GRK6: variants seen among roughly 807,000 people sequenced by gnomAD.
GRK6 encodes G protein-coupled receptor kinase 6.
GRK6 carries 37 observed loss-of-function variants against 80.8 expected under a neutral mutation model. The ratio of observed to expected loss-of-function variants is 0.46; its 90% CI spans 0.35 to 0.60. The LOEUF is 0.60. GRK6 is among the 20% of genes least tolerant of loss of function. The probability of loss-of-function intolerance (pLI) is 0.00; values close to 1 mark genes in which losing one functional copy is unlikely to be tolerated. For missense variants in GRK6, 560 were observed against 784.6 expected, an observed-to-expected ratio of 0.71 and a Z score of 3.42; for synonymous variants, 295 against 320.9, an observed-to-expected ratio of 0.92 and a Z score of 0.86.
chr5:177,442,125 G>GAC lies in GRK6; in HGVS notation c.*335_*336insAC. 2.9e-6 allele frequency: 1 copy of GAC among 342,362 alleles called. No individual in the cohort carries two copies. Among genetic ancestry groups the GAC allele is most frequent in the Non-Finnish European group, 5.4e-6 (1 of 186,778 alleles). The allele number at this position is 342,362 out of a possible 1,614,324, so 21.2% of individuals were successfully genotyped here. ...GCCCCCGCCTTGGCTCCTGGGGGCA[G>GAC]CCAGCCCTGGCTGGGAGAGCGGGAG... On this transcript the variant is annotated 3_prime_UTR_variant, in exon 16 of 16. Coordinates refer to ENST00000355472, the MANE Select transcript of GRK6 (RefSeq NM_001004106.3).
Position 177,432,222 on chromosome 5 carries a change from C to T in GRK6, c.262-11C>T. ...CCCAGACCTCCAGCTTCTTTGCTTT[C>T]CACCCTGCAGGCCGAGTATGAAGTG... On this transcript the variant is annotated splice_polypyrimidine_tract_variant and intron_variant, in intron 3 of 15. Transcript: ENST00000355472. 6.2e-7 allele frequency: 1 copy of T among 1,613,840 alleles called. No individual in the cohort carries two copies. The highest frequency in any genetic ancestry group is 1.1e-5 in the South Asian group (1 of 91,072).
At chr5:177,431,941 C>T in intron 2 of GRK6, 54 bp from the exon 3 acceptor site, 1 of 1,491,310 alleles carries the variant, frequency 6.7e-7, no homozygotes, top group Non-Finnish European at 9.3e-7. Flanking sequence ...GGGCACATGC[C>T]CCACCCATGT....
chr5:177,431,706 A>G (rs2127372029), intron 2 of GRK6: 1 of 463,888 alleles, frequency 2.2e-6, no homozygotes, highest in Non-Finnish European at 3.9e-6. Context: ...TGACATACGC[A>G]AGTCGTGTAA....
chr5:177,426,226 C>G (rs748145033), upstream of GRK6, among the ~76,000 whole-genome samples: 1 of 152,182 alleles, frequency 6.6e-6, no homozygotes, highest in Non-Finnish European at 1.5e-5. Context: ...AGCGCGTCCC[C>G]GACAAAACCC....
chr5:177,431,095 G>C, intron 2 of GRK6, 128 bp downstream of exon 2: 1 of 710,040 alleles, frequency 1.4e-6, no homozygotes, highest in Admixed American at 2.8e-5. Context: ...GGAGGATGAG[G>C]ACTGCACCAT....
chr5:177,435,988 G>A (rs1764128173), intron 11 of GRK6, 85 bp from the exon 12 acceptor site: 1 of 1,168,466 alleles, frequency 8.6e-7, no homozygotes, highest in Admixed American at 1.9e-5. Flanking sequence ...GTGTATCCCA[G>A]ACCTAACGTG....
upstream of GRK6, among the ~76,000 whole-genome samples, chr5:177,425,713 A>G (rs140934830): frequency 6.6e-6 from 1 of 152,236 alleles, no homozygotes; most frequent in East Asian, 1.9e-4. Flanking sequence ...TAGGAACTAG[A>G]GAAGCCTAGA....
chr5:177,435,636 G>C (rs975796082), intron 11 of GRK6, among the ~76,000 whole-genome samples: 6 of 152,218 alleles, frequency 3.9e-5, no homozygotes, highest in African/African-American at 1.4e-4. Flanking sequence ...AGGGCTGCCT[G>C]GAAGATGAAA....
intron 11 of GRK6, among the ~76,000 whole-genome samples, chr5:177,435,434 C>T (rs1475827405): frequency 6.6e-6 from 1 of 152,270 alleles, no homozygotes; most frequent in Admixed American, 6.5e-5. Flanking sequence ...TCCCTGTGCC[C>T]ATCTGTGAGG....
rs1238605234 is a variant in GRK6 at position 177,434,055 on chromosome 5, G to A, written c.880G>A (p.Glu294Lys). 2 of 1,608,084 alleles carry A rather than the reference G, an allele frequency of 1.2e-6. No individual in the cohort carries two copies. Among genetic ancestry groups the A allele is most frequent in the Non-Finnish European group, 1.7e-6 (2 of 1,178,114 alleles). Residue 294 changes from glutamate (E) to lysine (K), a missense_variant, in exon 9 of 16, where the codon GAG becomes AAG. By Grantham distance (56) the Glu-to-Lys change is moderately conservative (BLOSUM62 1). Around this residue, in one of 3 missense-constraint regions of GRK6, gnomAD observed 294 missense variants for 397.4 expected, o/e 0.74. Coordinates refer to ENST00000355472, the MANE Select transcript of GRK6 (RefSeq NM_001004106.3). ...PEARAVFYAA[E>K]ICCGLEDLHR... ...AGCGCGGGCCGTCTTCTACGCCGCC[G>A]AGATCTGCTGTGGCCTGGAGGACCT...
rs1200171046 is a variant in GRK6, at chr5:177,426,909, G to T, written c.52+12G>T. The T allele has an allele frequency of 7.3e-7, 1 of 1,375,082 alleles. No individual in the cohort carries two copies. The highest frequency in any genetic ancestry group is 1.7e-5 in the South Asian group (1 of 57,940). The allele number at this position is 1,375,082 out of a possible 1,614,324, so 85.2% of individuals were successfully genotyped here. On this transcript the variant is annotated intron_variant, in intron 1 of 15. Transcript: ENST00000355472. The stretch of plus-strand genomic sequence containing the variant: ...CAAGGCCCGGGAAGGTGAGGCGGCC[G>T]GGTGGGCGGCCGGGCCCGGGTGCGT...
rs544512644 is a variant in GRK6, at chr5:177,434,397, G to A, written c.929+293G>A. Among the ~76,000 whole-genome samples the A allele has an allele frequency of 1.4e-4, 21 of 152,326 alleles. No individual in the cohort carries two copies. In the South Asian group the frequency reaches 4.3e-3, roughly 32 times the overall value. ...CCAACACTGCTTCCTTTTCTAGGAA[G>A]CAGAGACTATAATTCCTACTTCCCA... On this transcript the variant is annotated intron_variant, in intron 9 of 15. Transcript: ENST00000355472.
chr5:177,430,670 G>T lies in GRK6; in HGVS notation c.53-202G>T, dbSNP rs1161733324. 2.0e-5 allele frequency: 12 copies of T among 597,550 alleles called. No homozygotes were observed. The Admixed American group carries it at 3.6e-4, about 18-fold the overall frequency. The allele number at this position is 597,550 out of a possible 1,614,324, so 37.0% of individuals were successfully genotyped here. On this transcript the variant is annotated intron_variant, in intron 1 of 15. Transcript: ENST00000355472. ...CTCACTGCCTCTCTTGGCTCTCCCA[G>T]TGCAGGAGCCTGAAGCAGGAGAAGC... is the stretch of plus-strand genomic sequence containing the variant.
At position 177,433,159 on chromosome 5, in the gene GRK6, G is replaced by T. The variant is rs779438253; in HGVS notation, c.453G>T (p.Glu151Asp). 6.2e-6 allele frequency: 10 copies of T among 1,613,922 alleles called. No homozygotes were observed. The Admixed American group carries it at 1.7e-4, about 27-fold the overall frequency. Residue 151 changes from glutamate (E) to aspartate (D), a missense_variant, in exon 6 of 16, where the codon GAG becomes GAT. This residue lies in a region of GRK6 where 189 missense variants were observed against 230.2 expected (regional missense o/e 0.82). Transcript: ENST00000355472. ...LFQELTRLTH[E>D]YLSVAPFADY... ...CTTTCCTCAACAGGCTGACCCACGA[G>T]TACCTGAGCGTGGCCCCTTTTGCCG...
At position 177,433,195 on chromosome 5, in the gene GRK6, C is replaced by G. The variant is rs750263792; in HGVS notation, c.489C>G (p.Asp163Glu). 1 of 1,614,208 alleles carries G rather than the reference C, an allele frequency of 6.2e-7. No homozygotes were observed. Among genetic ancestry groups the G allele is most frequent in the South Asian group, 1.1e-5 (1 of 91,088 alleles). ...TGGCCCCTTTTGCCGACTACCTCGA[C>G]AGCATCTACTTCAACCGTTTCCTGC... ...LSVAPFADYLDSIYFNRFLQW... is the reference protein window; with the variant it reads ...LSVAPFADYLESIYFNRFLQW... The change falls in exon 6 of 16, where the codon GAC (aspartate) becomes GAG (glutamate). Residue 163 changes from aspartate to glutamate, a missense_variant. Transcript: ENST00000355472.
chr5:177,440,703 C>T lies in GRK6; in HGVS notation c.1408C>T (p.Gln470Ter). 1 of 1,614,118 alleles carries T rather than the reference C, an allele frequency of 6.2e-7. No individual in the cohort carries two copies. The highest frequency in any genetic ancestry group is 8.5e-7 in the Non-Finnish European group (1 of 1,179,956). ...MLEPPFKPDPQAIYCKDVLDI... is the reference protein window; with the variant it reads ...MLEPPFKPDP The stretch of plus-strand genomic sequence containing the variant: ...ACCGTTGCCTCTGTCCCACCAGCCC[C>T]AGGCCATTTACTGCAAGGATGTTCT... Residue 470 changes from glutamine (Q) to a stop codon, truncating the protein, a stop_gained, in exon 14 of 16, where the codon CAG becomes TAG. Coordinates refer to ENST00000355472, the MANE Select transcript of GRK6 (RefSeq NM_001004106.3). LOFTEE classifies it high-confidence loss of function.
intron 13 of GRK6, among the ~76,000 whole-genome samples, chr5:177,438,078 AAAGC>A (rs912320029): frequency 1.3e-5 from 2 of 152,152 alleles, no homozygotes; most frequent in Non-Finnish European, 2.9e-5. Context: ...AAAGAAAACT[AAAGC>A]AAGCGGCTGG....
At chr5:177,435,553 C>T (rs1246620420) in intron 11 of GRK6, among the ~76,000 whole-genome samples, 1 of 152,198 alleles carries the variant, frequency 6.6e-6, no homozygotes, top group African/African-American at 2.4e-5. Context: ...GGTTGCGTGG[C>T]CTTGAACCAG....
chr5:177,433,006 C>T (rs982292069), intron 5 of GRK6, 141 bp from the exon 6 acceptor site: 13 of 797,198 alleles, frequency 1.6e-5, no homozygotes, highest in African/African-American at 5.1e-5. Flanking sequence ...TGTGTCTCCC[C>T]GCTCAGGGGT....
Sources: allele counts gnomAD v4.1 joint callset (sites outside exome capture counted in the v4.1 genomes callset), GRCh38; gene constraint gnomAD v4.1.1; regional missense constraint gnomAD v4.1.1; transcripts MANE v1.5; gene names NCBI Gene and HGNC (gene_info 2026-07-23, HGNC 2026-07-21).